Variants in OXCT1 observed in about 807,000 individuals in gnomAD.
OXCT1 encodes the protein 3-oxoacid CoA-transferase 1.
Under a neutral mutation model 69.6 loss-of-function variants are expected in OXCT1, and 27 were observed. The observed-to-expected ratio is 0.39, with a 90% CI of 0.29 to 0.54. The LOEUF (loss-of-function observed/expected upper bound fraction) is 0.54. OXCT1 is among the 20% of genes least tolerant of loss of function. The pLI is 0.72. For missense variants in OXCT1, 437 were observed against 650.2 expected, an observed-to-expected ratio of 0.67 and a Z score of 3.57; for synonymous variants, 202 against 217.8, an observed-to-expected ratio of 0.93 and a Z score of 0.64.
intron 15 of OXCT1, among the ~76,000 whole-genome samples, chr5:41,742,229 A>T (rs766183773): frequency 2.4e-4 from 37 of 152,250 alleles, no homozygotes; most frequent in Non-Finnish European, 5.1e-4. Flanking sequence ...TCTATAATTT[A>T]AAAAAGGAAA....
At chr5:41,791,611 C>T (rs1745919882) in intron 13 of OXCT1, among the ~76,000 whole-genome samples, 1 of 152,062 alleles carries the variant, frequency 6.6e-6, no homozygotes, top group Non-Finnish European at 1.5e-5. Context: ...TATGAAGATG[C>T]CCATGTTCCC....
At chr5:41,809,441 C>T (rs1375028371) in intron 7 of OXCT1, among the ~76,000 whole-genome samples, 1 of 151,994 alleles carries the variant, frequency 6.6e-6, no homozygotes, top group Non-Finnish European at 1.5e-5. Flanking sequence ...ACTGAAGTTT[C>T]TAAACCCTAA....
intron 11 of OXCT1, among the ~76,000 whole-genome samples, chr5:41,798,486 C>A (rs1377121042): frequency 1.3e-5 from 2 of 152,176 alleles, no homozygotes; most frequent in Middle Eastern, 3.4e-3. Context: ...TGTTACTCCC[C>A]CAGGTGTGAC....
intron 3 of OXCT1, among the ~76,000 whole-genome samples, chr5:41,856,923 C>A (rs1374924681): frequency 1.3e-5 from 2 of 152,160 alleles, no homozygotes; most frequent in Non-Finnish European, 2.9e-5. Context: ...GAGTTTTTAA[C>A]CTACTCCTAG....
intron 14 of OXCT1, among the ~76,000 whole-genome samples, chr5:41,756,180 A>G (rs1257175507): frequency 6.6e-6 from 1 of 152,098 alleles, no homozygotes; most frequent in African/African-American, 2.4e-5. Flanking sequence ...TGTTTTAGTA[A>G]TAGAGTTCTC....
At chr5:41,855,014 T>G (rs186561618) in intron 3 of OXCT1, among the ~76,000 whole-genome samples, 14 of 152,272 alleles carry the variant, frequency 9.2e-5, no homozygotes, top group African/African-American at 3.4e-4. Context: ...ATGGCCAAAA[T>G]TGGAGCCTCC....
intron 13 of OXCT1, among the ~76,000 whole-genome samples, chr5:41,764,835 G>C (rs1475221156): frequency 6.6e-6 from 1 of 152,122 alleles, no homozygotes; most frequent in Non-Finnish European, 1.5e-5. Flanking sequence ...CCCAAATGAG[G>C]GGATTCACAC....
At chr5:41,793,458 C>CTATTAAATGACAACTGTGCATTTCA (rs1373932468) in intron 13 of OXCT1, among the ~76,000 whole-genome samples, 1 of 152,202 alleles carries the variant, frequency 6.6e-6, no homozygotes, top group Non-Finnish European at 1.5e-5. Context: ...ATTTAGGTCA[C>CTATTAAATGACAACTGTGCATTTCA]TATTAAATGA....
chr5:41,803,985 AC>A (rs1257639243), intron 9 of OXCT1, among the ~76,000 whole-genome samples: 1 of 152,102 alleles, frequency 6.6e-6, no homozygotes, highest in African/African-American at 2.4e-5. Context: ...CAGAACTAGT[AC>A]AAAGAATGAT....
chr5:41,768,245 A>C (rs1744711454), intron 13 of OXCT1, among the ~76,000 whole-genome samples: 1 of 152,178 alleles, frequency 6.6e-6, no homozygotes, highest in South Asian at 2.1e-4. Context: ...AGTGATGTAT[A>C]CTACTTCCAG....
intron 6 of OXCT1, among the ~76,000 whole-genome samples, chr5:41,840,809 T>A (rs913581502): frequency 6.6e-6 from 1 of 152,204 alleles, no homozygotes; most frequent in Non-Finnish European, 1.5e-5. Flanking sequence ...AATAAATCTA[T>A]CTTATTTGAA....
At chr5:41,857,721 T>C (rs1476174057) in intron 3 of OXCT1, among the ~76,000 whole-genome samples, 1 of 152,136 alleles carries the variant, frequency 6.6e-6, no homozygotes, top group Admixed American at 6.5e-5. Context: ...CAATACAAAT[T>C]CCAGTGTTCT....
intron 13 of OXCT1, among the ~76,000 whole-genome samples, chr5:41,774,839 G>A (rs914433419): frequency 6.6e-6 from 1 of 152,108 alleles, no homozygotes; most frequent in African/African-American, 2.4e-5. Context: ...AGGTTGCAGT[G>A]AGCCAAGATC....
intron 15 of OXCT1, among the ~76,000 whole-genome samples, chr5:41,744,087 C>T (rs558173002): frequency 1.3e-5 from 2 of 152,220 alleles, no homozygotes; most frequent in South Asian, 2.1e-4. Flanking sequence ...GCCATTTTCA[C>T]GATACTGATT....
intron 13 of OXCT1, among the ~76,000 whole-genome samples, chr5:41,787,393 C>T (rs1745690223): frequency 2.0e-5 from 3 of 151,988 alleles, no homozygotes; most frequent in African/African-American, 7.2e-5. Flanking sequence ...CAGCTTACTG[C>T]CTGGAGAGAA....
At chr5:41,792,531 G>T (rs1458102942) in intron 13 of OXCT1, among the ~76,000 whole-genome samples, 1 of 152,070 alleles carries the variant, frequency 6.6e-6, no homozygotes, top group East Asian at 1.9e-4. Context: ...ACCCCGTATG[G>T]CCCTTTTCTA....
chr5:41,837,461 G>A (rs752556338), intron 7 of OXCT1, among the ~76,000 whole-genome samples: 3 of 151,606 alleles, frequency 2.0e-5, no homozygotes, highest in African/African-American at 4.8e-5. Context: ...CTAGACAATC[G>A]AATGAAAAGA....
chr5:41,870,244 T>A lies in OXCT1; in HGVS notation c.78+37A>T. ...ACCACTCAGGGTTTGGTCCACGTTCTTCCTGCCCATGGCCTTCCTCTTCCC... is the reference window on the plus strand; with the variant it reads ...ACCACTCAGGGTTTGGTCCACGTTCATCCTGCCCATGGCCTTCCTCTTCCC... On this transcript the variant is annotated intron_variant, in intron 1 of 16. Transcript: ENST00000196371. This position sits in a 1 kb window ranked among gnomAD's most constrained non-coding sequence, Gnocchi z 4.2. 1.3e-6 allele frequency: 2 copies of A among 1,541,962 alleles called. No homozygotes were observed. Among genetic ancestry groups the A allele is most frequent in the Non-Finnish European group, 1.8e-6 (2 of 1,114,518 alleles).
intron 4 of OXCT1, among the ~76,000 whole-genome samples, chr5:41,853,150 G>A (rs1040403098): frequency 3.3e-5 from 5 of 152,038 alleles, no homozygotes; most frequent in Non-Finnish European, 7.4e-5. Context: ...CCTTTTGTAT[G>A]CTTCTGGCAC....
Sources: allele counts gnomAD v4.1 joint callset (sites outside exome capture counted in the v4.1 genomes callset), GRCh38; gene constraint gnomAD v4.1.1; non-coding constraint Gnocchi (gnomAD v3.1); transcripts MANE v1.5; gene names NCBI Gene and HGNC (gene_info 2026-07-23, HGNC 2026-07-21).